SLCO3A1: variants seen among roughly 807,000 people sequenced by gnomAD.
The protein encoded by SLCO3A1 is PGE1 transporter.
Under a neutral mutation model 63.1 loss-of-function variants are expected in SLCO3A1, and 27 were observed. The ratio of observed to expected loss-of-function variants is 0.43; its 90% confidence interval spans 0.32 to 0.59. The LOEUF (loss-of-function observed/expected upper bound fraction) is 0.59, where lower values mean the gene tolerates loss of function less well. Among genes scored for constraint, SLCO3A1 ranks in the 20% least tolerant of loss-of-function variants. The pLI is 0.09. For missense variants in SLCO3A1, 773 were observed against 945.8 expected (o/e 0.82, Z 2.40); for synonymous variants, 473 against 409.9 (o/e 1.15, Z -1.86).
At chr15:92,066,564 AG>A (rs2047154591) in intron 2 of SLCO3A1, among the ~76,000 whole-genome samples, 1 of 152,200 alleles carries the variant, frequency 6.6e-6, no homozygotes. Context: ...GGTGAGTTCA[AG>A]TCCATATTCT....
intron 2 of SLCO3A1, among the ~76,000 whole-genome samples, chr15:92,088,917 G>A (rs1158181324): frequency 2.0e-5 from 3 of 152,130 alleles, no homozygotes; most frequent in African/African-American, 7.2e-5. Flanking sequence ...TTAAGGGATT[G>A]GGATGTGGAG....
chr15:92,126,364 A>T (rs2047923424), intron 6 of SLCO3A1, 105 bp downstream of exon 6: 1 of 897,754 alleles, frequency 1.1e-6, no homozygotes, highest in Non-Finnish European at 1.8e-6. Flanking sequence ...TGACCTGAGG[A>T]GACGCATCAC....
intron 9 of SLCO3A1, among the ~76,000 whole-genome samples, chr15:92,156,125 C>T (rs896261430): frequency 6.6e-6 from 1 of 152,172 alleles, no homozygotes; most frequent in Non-Finnish European, 1.5e-5. Flanking sequence ...CTGCTGTGAG[C>T]ATCGTCTTGC....
At chr15:91,858,713 G>C (rs1156894683) in intron 1 of SLCO3A1, among the ~76,000 whole-genome samples, 1 of 152,212 alleles carries the variant, frequency 6.6e-6, no homozygotes, top group Non-Finnish European at 1.5e-5. Context: ...TTTCTGTTAT[G>C]CTGCATGGGC....
chr15:91,977,814 T>G (rs1395953040), intron 2 of SLCO3A1, among the ~76,000 whole-genome samples: 2 of 152,188 alleles, frequency 1.3e-5, no homozygotes, highest in Non-Finnish European at 2.9e-5. Context: ...AGAGAAGGTC[T>G]TTTGCAAGCA....
chr15:92,057,899 T>C (rs1192753936), intron 2 of SLCO3A1, among the ~76,000 whole-genome samples: 1 of 152,220 alleles, frequency 6.6e-6, no homozygotes, highest in Non-Finnish European at 1.5e-5. Flanking sequence ...ATGCTTATTA[T>C]TAAACAAAGC....
intron 9 of SLCO3A1, among the ~76,000 whole-genome samples, chr15:92,154,608 G>A (rs2048348748): frequency 6.6e-6 from 1 of 152,184 alleles, no homozygotes; most frequent in Non-Finnish European, 1.5e-5. Context: ...AGACACTTGG[G>A]TGTAAGTGAA....
intron 2 of SLCO3A1, among the ~76,000 whole-genome samples, chr15:92,023,551 C>T (rs1456309798): frequency 6.6e-6 from 1 of 151,948 alleles, no homozygotes; most frequent in Non-Finnish European, 1.5e-5. Context: ...TCACTGCAGC[C>T]TCTGCCTCCC....
intron 3 of SLCO3A1, among the ~76,000 whole-genome samples, chr15:92,099,551 G>A (rs1378710850): frequency 6.6e-6 from 1 of 152,150 alleles, no homozygotes; most frequent in South Asian, 2.1e-4. Context: ...TGAGCGTGTG[G>A]GTGGGTTGGT....
chr15:91,960,628 A>G (rs749130339), intron 2 of SLCO3A1, among the ~76,000 whole-genome samples: 17 of 152,202 alleles, frequency 1.1e-4, no homozygotes, highest in Non-Finnish European at 2.5e-4. Flanking sequence ...CTTTTGATAC[A>G]GGAGTAATTT....
intron 6 of SLCO3A1, among the ~76,000 whole-genome samples, chr15:92,127,877 A>C (rs1179034009): frequency 6.6e-6 from 1 of 152,200 alleles, no homozygotes; most frequent in African/African-American, 2.4e-5. Context: ...GACAAGAACC[A>C]GCCCAAAGAG....
chr15:92,093,651 C>T (rs1335444108), intron 2 of SLCO3A1, among the ~76,000 whole-genome samples: 4 of 152,068 alleles, frequency 2.6e-5, no homozygotes, highest in Non-Finnish European at 5.9e-5. Context: ...TTCAAGTCAG[C>T]GAGGCTAGGA....
intron 10 of SLCO3A1, chr15:92,171,725 C>T (rs2048522442): frequency 7.9e-7 from 1 of 1,261,168 alleles, no homozygotes; most frequent in Middle Eastern, 1.8e-4. Context: ...GTAGGTGAAG[C>T]AGAAAAGACC....
chr15:92,156,708 A>C (rs540761461), intron 9 of SLCO3A1, among the ~76,000 whole-genome samples: 12 of 152,366 alleles, frequency 7.9e-5, no homozygotes, highest in Admixed American at 7.2e-4. Flanking sequence ...CTCCCTTTCT[A>C]GCTGGTGCTG....
At chr15:92,029,755 A>C (rs1464414229) in intron 2 of SLCO3A1, among the ~76,000 whole-genome samples, 3 of 146,808 alleles carry the variant, frequency 2.0e-5, no homozygotes, top group Non-Finnish European at 3.0e-5. Context: ...GGAAAGGTGA[A>C]TGGCCTCTGG....
At chr15:91,918,784 C>G (rs1898745017) in intron 2 of SLCO3A1, among the ~76,000 whole-genome samples, 1 of 152,178 alleles carries the variant, frequency 6.6e-6, no homozygotes, top group African/African-American at 2.4e-5. Flanking sequence ...ATATAAAATT[C>G]TGGCCTCTTA....
chr15:92,123,450 C>T (rs2047886635), intron 5 of SLCO3A1, among the ~76,000 whole-genome samples: 2 of 151,862 alleles, frequency 1.3e-5, no homozygotes, highest in Admixed American at 6.6e-5. Flanking sequence ...ATGTAAAACC[C>T]TATCACAATG....
At chr15:92,104,693 G>A (rs1367108102) in intron 4 of SLCO3A1, 151 bp downstream of exon 4, 10 of 740,022 alleles carry the variant, frequency 1.4e-5, no homozygotes, top group Admixed American at 3.0e-5. Flanking sequence ...TACCAGCCAG[G>A]TGCTTAACTT....
chr15:92,084,715 G>A (rs186950267), intron 2 of SLCO3A1, among the ~76,000 whole-genome samples: 1 of 152,328 alleles, frequency 6.6e-6, no homozygotes, highest in African/African-American at 2.4e-5. Flanking sequence ...TCCTCGGGCA[G>A]CCTGTGCTCC....
Sources: gnomAD v4.1 joint callset for allele counts (sites outside exome capture counted in the v4.1 genomes callset) on GRCh38, gnomAD v4.1.1 for gene constraint, MANE v1.5 for transcripts, NCBI Gene and HGNC (gene_info 2026-07-23, HGNC 2026-07-21) for gene names.